Variants in TARS3 observed in about 807,000 individuals in gnomAD.
TARS3 encodes threonine--tRNA ligase 2, cytoplasmic.
TARS3 carries 94 observed loss-of-function variants against 103.5 expected under a neutral mutation model. The ratio of observed to expected loss-of-function variants is 0.91; its 90% CI spans 0.77 to 1.08. The LOEUF (loss-of-function observed/expected upper bound fraction) is 1.08, where lower values mean the gene tolerates loss of function less well. Ranked by LOEUF, TARS3 falls within the 50% of genes least tolerant of loss-of-function variation. The pLI, the probability that TARS3 is intolerant of heterozygous loss-of-function variation, is 0.00. For synonymous variants in TARS3, 416 were observed against 355.4 expected, an observed-to-expected ratio of 1.17 and a Z score of -1.92; for missense variants, 952 against 995.2, an observed-to-expected ratio of 0.96 and a Z score of 0.58.
chr15:101,700,113 G>C (rs1226404124), intron 10 of TARS3, among the ~76,000 whole-genome samples: 1 of 152,176 alleles, frequency 6.6e-6, no homozygotes, highest in Non-Finnish European at 1.5e-5. Context: ...AGAGAAATTG[G>C]AGCATGAATT....
chr15:101,674,981 G>A (rs1340348840), intron 13 of TARS3, among the ~76,000 whole-genome samples: 1 of 151,960 alleles, frequency 6.6e-6, no homozygotes, highest in African/African-American at 2.4e-5. Flanking sequence ...CCAAGAAGAG[G>A]AGAACTAACA....
chr15:101,716,115 C>T (rs187784672), intron 3 of TARS3, among the ~76,000 whole-genome samples: 38 of 151,992 alleles, frequency 2.5e-4, no homozygotes, highest in Admixed American at 2.3e-3. Context: ...CTTCTGGGTT[C>T]AAGCGATTCT....
chr15:101,694,856 C>T (rs186355300), intron 10 of TARS3, among the ~76,000 whole-genome samples: 67 of 152,186 alleles, frequency 4.4e-4, no homozygotes, highest in African/African-American at 1.5e-3. Flanking sequence ...AATTTCATAG[C>T]GACAGAAACT....
At chr15:101,718,097 G>A (rs1443771023) in intron 3 of TARS3, among the ~76,000 whole-genome samples, 1 of 152,176 alleles carries the variant, frequency 6.6e-6, no homozygotes, top group Admixed American at 6.5e-5. Flanking sequence ...GGCTGGGCGT[G>A]GTGGCTTACA....
intron 15 of TARS3, among the ~76,000 whole-genome samples, chr15:101,669,850 G>A (rs1897728261): frequency 6.6e-6 from 1 of 152,176 alleles, no homozygotes; most frequent in Non-Finnish European, 1.5e-5. Flanking sequence ...CCATAGAACA[G>A]AATTTATAAT....
intron 4 of TARS3, among the ~76,000 whole-genome samples, chr15:101,712,840 A>T (rs1158889469): frequency 6.6e-6 from 1 of 152,222 alleles, no homozygotes; most frequent in Non-Finnish European, 1.5e-5. Flanking sequence ...TGATAAAATG[A>T]ATCAGGGCAG....
intron 8 of TARS3, among the ~76,000 whole-genome samples, chr15:101,703,043 C>T (rs945697526): frequency 1.3e-4 from 20 of 152,074 alleles, no homozygotes; most frequent in Non-Finnish European, 1.5e-5. Flanking sequence ...GACCTACAGT[C>T]AATGATTAAG....
At position 101,724,288 on chromosome 15, in the gene TARS3, C is replaced by A; in HGVS notation, c.100G>T (p.Asp34Tyr). The change falls in exon 1 of 19, where the codon GAC becomes TAC. Residue 34 changes from aspartate to tyrosine, a missense_variant. Asp to Tyr is a radical substitution (Grantham distance 160). Coordinates refer to ENST00000335968, the MANE Select transcript of TARS3 (RefSeq NM_152334.3). ...WLWSEVERLR[D>Y]EQLNAPYSCQ... ...CTGTAGGGCGCGTTCAGCTGCTCGT[C>A]CCTCAGGCGCTCGACCTCCGACCAC... 1 of 1,573,672 alleles carries A rather than the reference C, an allele frequency of 6.4e-7. No individual in the cohort carries two copies. The highest frequency in any genetic ancestry group is 8.6e-7 in the Non-Finnish European group (1 of 1,166,350).
At chr15:101,710,191 C>T (rs1204096690) in intron 5 of TARS3, among the ~76,000 whole-genome samples, 3 of 152,182 alleles carry the variant, frequency 2.0e-5, no homozygotes, top group South Asian at 2.1e-4. Flanking sequence ...CATCCAGGTG[C>T]TTGGGGCATG....
At position 101,714,957 on chromosome 15, in the gene TARS3, T is replaced by C; in HGVS notation, c.573A>G (p.Glu191=). ...TGGCTATTACCGTGCTTTCAGCCAGTTCCTGACTAAGAAGACAAAAGCCAC... is the reference window on the plus strand; with the variant it reads ...TGGCTATTACCGTGCTTTCAGCCAGCTCCTGACTAAGAAGACAAAAGCCAC... The part of the protein sequence containing the change: ...PYQVAAEISQ[E]LAESTVIAKV... The change falls in exon 4 of 19, where the codon GAA becomes GAG. Residue 191 remains glutamate (E), a synonymous_variant. Coordinates refer to ENST00000335968, the MANE Select transcript of TARS3 (RefSeq NM_152334.3). 1 of 1,608,400 alleles carries C rather than the reference T, an allele frequency of 6.2e-7. No individual in the cohort carries two copies. Among genetic ancestry groups the C allele is most frequent in the Non-Finnish European group, 8.5e-7 (1 of 1,177,068 alleles).
intron 7 of TARS3, 68 bp from the exon 8 acceptor site, chr15:101,704,005 T>A: frequency 8.8e-7 from 1 of 1,135,064 alleles, no homozygotes. Flanking sequence ...TTATAAGCCA[T>A]AATATCCTAT....
rs375324842 is a variant in TARS3 at position 101,702,245 on chromosome 15, G to C, written c.1215C>G (p.Ile405Met). The C allele has an allele frequency of 1.3e-5, 21 of 1,614,012 alleles. No homozygotes were observed. The highest frequency in any genetic ancestry group is 2.2e-5 in the South Asian group (2 of 91,088). Reference sequence around the variant, plus strand: ...ATTAAGATGTGGGGCATACCTTCCCGATCTTCCTGTGATCTCGGTTCTTTG... The same window carrying C: ...ATTAAGATGTGGGGCATACCTTCCCCATCTTCCTGTGATCTCGGTTCTTTG... ...EEAKNRDHRKIGKEQELFFFH... is the reference protein window; with the variant it reads ...EEAKNRDHRKMGKEQELFFFH... Residue 405 changes from isoleucine to methionine, a missense_variant, in exon 9 of 19, where the codon ATC (isoleucine) becomes ATG (methionine). Transcript: ENST00000335968.
chr15:101,707,450 GT>G (rs1445023849), intron 6 of TARS3, among the ~76,000 whole-genome samples: 1 of 152,204 alleles, frequency 6.6e-6, no homozygotes, highest in Non-Finnish European at 1.5e-5. Flanking sequence ...GTGTTTACAG[GT>G]GGATGAATGG....
At chr15:101,664,273 C>T (rs564476773) in intron 15 of TARS3, 69 of 152,446 alleles carry the variant, frequency 4.5e-4, no homozygotes, top group African/African-American at 1.6e-3. Flanking sequence ...TCCACGTCCT[C>T]CTTAAATGAG....
chr15:101,668,146 A>G (rs983820323), intron 15 of TARS3, among the ~76,000 whole-genome samples: 2 of 152,170 alleles, frequency 1.3e-5, no homozygotes, highest in African/African-American at 4.8e-5. Flanking sequence ...AACTTGGGTA[A>G]CTGGTGCAAG....
chr15:101,689,195 C>T (rs999317966), intron 10 of TARS3, among the ~76,000 whole-genome samples: 1 of 152,088 alleles, frequency 6.6e-6, no homozygotes, highest in Non-Finnish European at 1.5e-5. Flanking sequence ...TGGGAGAAGT[C>T]GTATTGCTTA....
intron 15 of TARS3, among the ~76,000 whole-genome samples, chr15:101,662,532 C>T (rs926106278): frequency 6.6e-6 from 1 of 151,998 alleles, no homozygotes; most frequent in Non-Finnish European, 1.5e-5. Flanking sequence ...TTCATTAAAC[C>T]TACTTCAAAT....
intron 12 of TARS3, among the ~76,000 whole-genome samples, chr15:101,678,050 G>A (rs1205151977): frequency 6.7e-6 from 1 of 148,770 alleles, no homozygotes; most frequent in Non-Finnish European, 1.5e-5. Flanking sequence ...GCATGATCTC[G>A]GCTCACTGCA....
In TARS3 at chr15:101,656,958, G is replaced by T. The variant is rs373605221; in HGVS notation, c.2224C>A (p.Arg742=). ...TTATACTGAGCCAGCTGTGCATTTC[G>T]TATTTTCTTATTTAGTGTACAACTG... ...DHSCTLNKKI[R]NAQLAQYNFI... is the part of the protein sequence containing the mutation. Residue 742 remains arginine (R), a synonymous_variant, in exon 18 of 19, where the codon CGA becomes AGA. Coordinates refer to ENST00000335968, the MANE Select transcript of TARS3 (RefSeq NM_152334.3). 8.1e-6 allele frequency: 13 copies of T among 1,612,290 alleles called. No homozygotes were observed. The highest frequency in any genetic ancestry group is 1.3e-5 in the African/African-American group (1 of 74,842).
Sources: gnomAD v4.1 joint callset for allele counts (sites outside exome capture counted in the v4.1 genomes callset) on GRCh38, gnomAD v4.1.1 for gene constraint, MANE v1.5 for transcripts, NCBI Gene and HGNC (gene_info 2026-07-23, HGNC 2026-07-21) for gene names.